Variants in MMEL1 observed in about 807,000 individuals in gnomAD.
MMEL1 encodes the protein membrane metalloendopeptidase like 1.
Under a neutral mutation model 117.1 loss-of-function variants are expected in MMEL1, and 98 were observed. The ratio of observed to expected loss-of-function variants is 0.84; its 90% CI spans 0.71 to 0.99. The LOEUF is 0.99. Among genes scored for constraint, MMEL1 ranks in the 50% least tolerant of loss-of-function variants. MMEL1 has a pLI of 0.00. For synonymous variants in MMEL1, 390 were observed against 415.1 expected (o/e 0.94, Z 0.74); for missense variants, 1,014 against 1,049.1 (o/e 0.97, Z 0.46).
chr1:2,630,335 C>G (rs1213220441), intron 1 of MMEL1: 1 of 152,326 alleles, frequency 6.6e-6, no homozygotes, highest in African/African-American at 2.4e-5. Flanking sequence ...TGTAGTTGGG[C>G]GTGTGCATGT....
chr1:2,591,743 G>T (rs1644716715), intron 22 of MMEL1, 110 bp from the exon 23 acceptor site: 11 of 1,078,798 alleles, frequency 1.0e-5, no homozygotes, highest in Non-Finnish European at 1.6e-5. Flanking sequence ...GGGGTGAGGG[G>T]AGTCAGCAGG....
chr1:2,600,832 CAACA>C (rs1267419808), intron 11 of MMEL1, among the ~76,000 whole-genome samples: 1 of 152,068 alleles, frequency 6.6e-6, no homozygotes, highest in East Asian at 1.9e-4. Context: ...CATATATCAG[CAACA>C]AATAAGATAA....
At position 2,595,482 on chromosome 1, in the gene MMEL1, C is replaced by T; in HGVS notation, c.1501-123G>A. The T allele has an allele frequency of 1.2e-6, 1 of 804,480 alleles. No homozygotes were observed. The highest frequency in any genetic ancestry group is 2.1e-6 in the Non-Finnish European group (1 of 475,854). 49.8% of individuals were successfully genotyped at this position (804,480 alleles called of 1,614,324 possible). On this transcript the variant is annotated intron_variant, in intron 15 of 23. Transcript: ENST00000378412. This position sits in a 1 kb window ranked among gnomAD's most constrained non-coding sequence, Gnocchi z 4.8. ...CCGGGGCATCCTGGCTGTGCTCTCC[C>T]TGTCCTGTGGTGAGGGGCTGGGGGG...
At chr1:2,591,339 C>A (rs1644698650) in intron 23 of MMEL1, 1 of 600,370 alleles carries the variant, frequency 1.7e-6, no homozygotes, top group Non-Finnish European at 3.0e-6. Flanking sequence ...GAAACATTCG[C>A]AGCCTGCGGT....
At chr1:2,594,191 C>A in intron 18 of MMEL1, 194 bp downstream of exon 18, 1 of 791,624 alleles carries the variant, frequency 1.3e-6, no homozygotes, top group Non-Finnish European at 2.0e-6. Context: ...GGCCGCCTGC[C>A]AAGTCCCTCC....
chr1:2,630,448 G>A (rs1638490839), intron 1 of MMEL1, among the ~76,000 whole-genome samples: 2 of 152,198 alleles, frequency 1.3e-5, no homozygotes, highest in South Asian at 2.1e-4. Context: ...GAGCGTGAAC[G>A]TGTGTGTGCG....
rs1645141165 is a variant in MMEL1, at chr1:2,612,185, A to T, written c.174T>A (p.Leu58=). The stretch of plus-strand genomic sequence containing the variant: ...CCTGTAAGAAGCACAGCCGGCTAGC[A>T]AGGCGTGGCAGCTGCTTCCCTGGGG... ...ADRRGKQLPR[L]ASRLCFLQEE... is the part of the protein sequence containing the mutation. Residue 58 remains leucine (L), a synonymous_variant, in exon 3 of 24, where the codon CTT becomes CTA. Coordinates refer to ENST00000378412, the MANE Select transcript of MMEL1 (RefSeq NM_033467.4). This position sits in a 1 kb window ranked among gnomAD's most constrained non-coding sequence, Gnocchi z 5.4. 1 of 1,575,126 alleles carries T rather than the reference A, an allele frequency of 6.3e-7. No individual in the cohort carries two copies. Among genetic ancestry groups the T allele is most frequent in the Admixed American group, 1.8e-5 (1 of 54,798 alleles).
chr1:2,612,007 C>T lies in MMEL1; in HGVS notation c.232+120G>A. 3.5e-6 allele frequency: 3 copies of T among 868,218 alleles called. No homozygotes were observed. Among genetic ancestry groups the T allele is most frequent in the Non-Finnish European group, 5.5e-6 (3 of 540,664 alleles). The allele number at this position is 868,218 out of a possible 1,614,324, so 53.8% of individuals were successfully genotyped here. A position where few individuals can be genotyped will look rare whatever the true frequency, so the allele number is the denominator to read the frequency against. Reference sequence around the variant, plus strand: ...CTGCCACTGTCCTCTCCCCATGGCCCTCCTCCGGCACATGAGGGTTGGGCA... The same window carrying T: ...CTGCCACTGTCCTCTCCCCATGGCCTTCCTCCGGCACATGAGGGTTGGGCA... On this transcript the variant is annotated intron_variant, in intron 3 of 23. Transcript: ENST00000378412. This position sits in a 1 kb window ranked among gnomAD's most constrained non-coding sequence, Gnocchi z 5.4.
intron 2 of MMEL1, among the ~76,000 whole-genome samples, chr1:2,626,534 C>T (rs1038613896): frequency 6.6e-6 from 1 of 152,232 alleles, no homozygotes; most frequent in Non-Finnish European, 1.5e-5. Context: ...ATGGGTCTGG[C>T]TGTGTTCCAA....
chr1:2,604,683 C>G (rs1397290761), intron 9 of MMEL1, among the ~76,000 whole-genome samples: 1 of 152,082 alleles, frequency 6.6e-6, no homozygotes, highest in Non-Finnish European at 1.5e-5. Flanking sequence ...TTTGGGCTTC[C>G]CTACCCAGGT....
Position 2,590,725 on chromosome 1 carries a change from A to AT in MMEL1, c.*264dup, listed in dbSNP as rs1269936456. The AT allele has an allele frequency of 7.7e-6, 3 of 387,742 alleles. No homozygotes were observed. Among genetic ancestry groups the AT allele is most frequent in the Non-Finnish European group, 1.4e-5 (3 of 219,196 alleles). The allele number at this position is 387,742 out of a possible 1,614,324, so 24.0% of individuals were successfully genotyped here. On this transcript the variant is annotated 3_prime_UTR_variant, in exon 24 of 24. Coordinates refer to ENST00000378412, the MANE Select transcript of MMEL1 (RefSeq NM_033467.4). ...TTGGAGGGTGGGCAGGACACAGTTG[A>AT]TTGTCTCTACAGAGCTGTGACGGGG...
At position 2,595,977 on chromosome 1, in the gene MMEL1, CG is replaced by C; in HGVS notation, c.1500+31del. On this transcript the variant is annotated intron_variant, in intron 15 of 23. Coordinates refer to ENST00000378412, the MANE Select transcript of MMEL1 (RefSeq NM_033467.4). The surrounding 1 kb of genome is among the most constrained non-coding windows in gnomAD (Gnocchi z 4.8). ...GGTGCTGCCCGTGCCCAGATCCAGT[CG>C]GGGCTGCCCTGACCTCTGCGAGCCA... 6.3e-7 allele frequency: 1 copy of C among 1,588,636 alleles called. No individual in the cohort carries two copies. The highest frequency in any genetic ancestry group is 8.6e-7 in the Non-Finnish European group (1 of 1,157,944).
At chr1:2,604,100 T>C (rs1420658494) in intron 10 of MMEL1, 47 bp downstream of exon 10, 2 of 1,573,046 alleles carry the variant, frequency 1.3e-6, no homozygotes. Context: ...CGCCTGGGGC[T>C]CCCAGCCCAC....
chr1:2,598,452 C>G (rs1644881374), intron 12 of MMEL1, 152 bp from the exon 13 acceptor site: 1 of 1,158,174 alleles, frequency 8.6e-7, no homozygotes, highest in African/African-American at 1.5e-5. Flanking sequence ...CAAGATCCAG[C>G]CCATCTGCCC....
intron 9 of MMEL1, among the ~76,000 whole-genome samples, chr1:2,604,898 C>T (rs1644997041): frequency 6.6e-6 from 1 of 152,186 alleles, no homozygotes; most frequent in Non-Finnish European, 1.5e-5. Context: ...TTCTCTCAGC[C>T]CCACTGCTCC....
intron 11 of MMEL1, among the ~76,000 whole-genome samples, chr1:2,599,729 A>G (rs2100934733): frequency 6.6e-6 from 1 of 152,178 alleles, no homozygotes; most frequent in Middle Eastern, 3.4e-3. Flanking sequence ...GTGGTGGCGC[A>G]TGCTGTAGTC....
At chr1:2,607,441 G>A (rs1466061557) in intron 6 of MMEL1, among the ~76,000 whole-genome samples, 1 of 140,934 alleles carries the variant, frequency 7.1e-6, no homozygotes, top group African/African-American at 2.5e-5. Context: ...ATCAGGCCAA[G>A]CCTCGGCGAG....
intron 11 of MMEL1, among the ~76,000 whole-genome samples, chr1:2,602,111 G>A (rs188908014): frequency 1.3e-4 from 7 of 55,416 alleles, no homozygotes; most frequent in African/African-American, 2.4e-4. Flanking sequence ...CCGAGTTGTC[G>A]CATGTTCTTA....
rs1348566216 is a variant in MMEL1 at position 2,606,992 on chromosome 1, T to C, written c.613A>G (p.Arg205Gly). 6 of 1,613,152 alleles carry C rather than the reference T, an allele frequency of 3.7e-6. No homozygotes were observed. The South Asian group carries it at 6.6e-5, about 18-fold the overall frequency. ...GCCTTACCTACGGTCTCGTTCCACC[T>C]GTCCATCGCCACCGGCCAGCCTCCC... ...VVGGWPVAMD[R>G]WNETVGLEWE... The change falls in exon 7 of 24, where the codon AGG becomes GGG. Residue 205 changes from arginine (R) to glycine (G), a missense_variant. Coordinates refer to ENST00000378412, the MANE Select transcript of MMEL1 (RefSeq NM_033467.4).
Sources: allele counts gnomAD v4.1 joint callset (sites outside exome capture counted in the v4.1 genomes callset), GRCh38; gene constraint gnomAD v4.1.1; non-coding constraint Gnocchi (gnomAD v3.1); transcripts MANE v1.5; gene names NCBI Gene and HGNC (gene_info 2026-07-23, HGNC 2026-07-21).